The following PTCH2 variants were observed in gnomAD, a reference collection of about 807,000 sequenced individuals.
PTCH2 encodes the protein patched 2.
In PTCH2, 96 loss-of-function variants were observed where a neutral mutation model predicts 117.9. The observed-to-expected ratio is 0.81, with a 90% CI of 0.69 to 0.96. The LOEUF (loss-of-function observed/expected upper bound fraction) is 0.96. Ranked by LOEUF, PTCH2 falls within the 50% of genes least tolerant of loss-of-function variation. The probability of loss-of-function intolerance (pLI) is 0.00; values close to 1 mark genes in which losing one functional copy is unlikely to be tolerated. For missense variants in PTCH2, 1,379 were observed against 1,562.5 expected, an observed-to-expected ratio of 0.88 and a Z score of 1.98; for synonymous variants, 615 against 660.9, an observed-to-expected ratio of 0.93 and a Z score of 1.06.
At position 44,843,188 on chromosome 1, in the gene PTCH2, A is replaced by C; in HGVS notation, c.-256T>G. ...GTGGGCCGCGGCGGCTGGAGGAGGA[A>C]TGGGTCCCGCGCGCAGGCGGAATTG... On this transcript the variant is annotated 5_prime_UTR_variant, in exon 1 of 22. Transcript: ENST00000372192. 1 of 1,224,020 alleles carries C rather than the reference A, an allele frequency of 8.2e-7. No homozygotes were observed. The highest frequency in any genetic ancestry group is 4.3e-5 in the Admixed American group (1 of 23,278). The allele number at this position is 1,224,020 out of a possible 1,614,324, so 75.8% of individuals were successfully genotyped here. A position where few individuals can be genotyped will look rare whatever the true frequency, so the allele number is the denominator to read the frequency against.
intron 2 of PTCH2, among the ~76,000 whole-genome samples, chr1:44,833,690 A>G (rs75845201): frequency 0.22 from 32,736 of 151,676 alleles, 3,740 homozygotes; most frequent in African/African-American, 0.28. Context: ...TCTGTCTCCC[A>G]GGTTCAAGCG....
Position 44,843,124 on chromosome 1 carries a change from T to C in PTCH2, c.-192A>G. On this transcript the variant is annotated 5_prime_UTR_variant, in exon 1 of 22. Coordinates refer to ENST00000372192, the MANE Select transcript of PTCH2 (RefSeq NM_003738.5). ...AGGGAGGAGTGCAGGGAGCTGCGGG[T>C]CCGGGGCGCGGCGCCGGGATTCACC... is the stretch of plus-strand genomic sequence containing the variant. 7.6e-7 allele frequency: 1 copy of C among 1,314,974 alleles called. No individual in the cohort carries two copies. Among genetic ancestry groups the C allele is most frequent in the South Asian group, 2.1e-5 (1 of 47,116 alleles). The allele number at this position is 1,314,974 out of a possible 1,614,324, so 81.5% of individuals were successfully genotyped here.
At position 44,829,283 on chromosome 1, in the gene PTCH2, C is replaced by G; in HGVS notation, c.1245G>C (p.Arg415=). The G allele has an allele frequency of 6.2e-7, 1 of 1,613,600 alleles. No individual in the cohort carries two copies. The highest frequency in any genetic ancestry group is 8.5e-7 in the Non-Finnish European group (1 of 1,179,970). The change falls in exon 10 of 22, where the codon CGG becomes CGC. Residue 415 remains arginine, a synonymous_variant. Transcript: ENST00000372192. Reference sequence around the variant, plus strand: ...AACCCTGGGACTGGGCGCAGTCCCACCGCAGCATGGTCACACAGGCATAGG... The same window carrying G: ...AACCCTGGGACTGGGCGCAGTCCCAGCGCAGCATGGTCACACAGGCATAGG... ...MLAYACVTML[R]WDCAQSQGSV...
chr1:44,828,379 C>T lies in PTCH2; in HGVS notation c.1626G>A (p.Val542=), dbSNP rs770839981. 5 of 1,614,202 alleles carry T rather than the reference C, an allele frequency of 3.1e-6. No individual in the cohort carries two copies. The highest frequency in any genetic ancestry group is 1.7e-5 in the Admixed American group (1 of 60,032). ...AIVVGCTFVA[V]MLVFPAILSL... Reference sequence around the variant, plus strand: ...TGAGGATGGCTGGGAAGACAAGCATCACGGCTACAAAGGTGCAGCCAACCA... The same window carrying T: ...TGAGGATGGCTGGGAAGACAAGCATTACGGCTACAAAGGTGCAGCCAACCA... Residue 542 remains valine (V), a synonymous_variant, in exon 13 of 22, where the codon GTG becomes GTA. Transcript: ENST00000372192.
chr1:44,831,609 T>C lies in PTCH2; in HGVS notation c.617+97A>G. The C allele has an allele frequency of 1.6e-6, 2 of 1,246,036 alleles. No individual in the cohort carries two copies. Among genetic ancestry groups the C allele is most frequent in the Non-Finnish European group, 2.3e-6 (2 of 871,272 alleles). 77.2% of individuals were successfully genotyped at this position (1,246,036 alleles called of 1,614,324 possible). ...CTGGCCTGGGAGGTAATTAGGACCTTGGTAAGGTTTTGATCATCCTCATTC... is the reference window on the plus strand; with the variant it reads ...CTGGCCTGGGAGGTAATTAGGACCTCGGTAAGGTTTTGATCATCCTCATTC... On this transcript the variant is annotated intron_variant, in intron 5 of 21. Transcript: ENST00000372192. The surrounding 1 kb of genome is among the most constrained non-coding windows in gnomAD (Gnocchi z 4.3).
chr1:44,828,887 C>G (rs959247495), intron 11 of PTCH2, 95 bp downstream of exon 11: 1 of 1,374,140 alleles, frequency 7.3e-7, no homozygotes, highest in African/African-American at 1.4e-5. Context: ...CAAGAGGCAC[C>G]GAGGTTCATT....
chr1:44,842,863 G>A lies in PTCH2; in HGVS notation c.70C>T (p.Gln24Ter). The change falls in exon 1 of 22, where the codon CAG becomes TAG. Residue 24 changes from glutamine (Q) to a stop codon, truncating the protein, a stop_gained and splice_region_variant. Transcript: ENST00000372192. LOFTEE classifies it high-confidence loss of function. The part of the protein sequence containing the change: ...YTPPARTAAP[Q>*]ILAGSLKAPL... ...CTTCCAGCTCCCCCTCTACTCACCT[G>A]GGGTGCTGCGGTTCGAGCTGGGGGT... The A allele has an allele frequency of 6.5e-7, 1 of 1,550,288 alleles. No individual in the cohort carries two copies. Among genetic ancestry groups the A allele is most frequent in the South Asian group, 1.2e-5 (1 of 83,966 alleles).
chr1:44,832,366 G>C (rs370259580), intron 2 of PTCH2, 25 bp from the exon 3 acceptor site: 52 of 1,611,962 alleles, frequency 3.2e-5, no homozygotes, highest in East Asian at 1.3e-4. Context: ...AGAGAAAGCT[G>C]GGGGGGAAAG....
In PTCH2 at chr1:44,829,471, G is replaced by A; in HGVS notation, c.1146C>T (p.Thr382=). ...SQQIHAFSST[T]LDDILHAFSE... is the part of the protein sequence containing the mutation. ...AGAACGCATGCAGGATGTCATCCAGGGTGGTGGAGGAGAAGGCATGGATCT... is the reference window on the plus strand; with the variant it reads ...AGAACGCATGCAGGATGTCATCCAGAGTGGTGGAGGAGAAGGCATGGATCT... Residue 382 remains threonine (T), a synonymous_variant, in exon 9 of 22, where the codon ACC becomes ACT. Coordinates refer to ENST00000372192, the MANE Select transcript of PTCH2 (RefSeq NM_003738.5). 4 of 1,614,252 alleles carry A rather than the reference G, an allele frequency of 2.5e-6. No homozygotes were observed. Among genetic ancestry groups the A allele is most frequent in the Non-Finnish European group, 3.4e-6 (4 of 1,180,034 alleles).
chr1:44,840,006 G>A (rs1157958545), intron 2 of PTCH2, among the ~76,000 whole-genome samples: 1 of 151,890 alleles, frequency 6.6e-6, no homozygotes, highest in Non-Finnish European at 1.5e-5. Context: ...TCTACAAAAT[G>A]CAAATTTCCC....
At chr1:44,842,467 C>T (rs1053591642) in intron 1 of PTCH2, among the ~76,000 whole-genome samples, 1 of 151,942 alleles carries the variant, frequency 6.6e-6, no homozygotes, top group African/African-American at 2.4e-5. Flanking sequence ...TTAGTAGAGA[C>T]AGAGTTTCCC....
intron 7 of PTCH2, 72 bp from the exon 8 acceptor site, chr1:44,829,833 T>A: frequency 6.2e-7 from 1 of 1,613,992 alleles, no homozygotes; most frequent in Non-Finnish European, 8.5e-7. Flanking sequence ...AAGGGCCTTT[T>A]GCCAGAGCTG....
In PTCH2 at chr1:44,831,226, G is replaced by A. The variant is rs1653433023; in HGVS notation, c.618-183C>T. On this transcript the variant is annotated intron_variant, in intron 5 of 21. Coordinates refer to ENST00000372192, the MANE Select transcript of PTCH2 (RefSeq NM_003738.5). The surrounding 1 kb of genome is among the most constrained non-coding windows in gnomAD (Gnocchi z 4.3). ...TGCATGGGCCCACCAGGGTGCTACAGTGAGCTGTAGAAGAGTACAAGGGGC... is the reference window on the plus strand; with the variant it reads ...TGCATGGGCCCACCAGGGTGCTACAATGAGCTGTAGAAGAGTACAAGGGGC... Among the ~76,000 whole-genome samples, 1 of 152,208 alleles carries A rather than the reference G, an allele frequency of 6.6e-6. No homozygotes were observed. Among genetic ancestry groups the A allele is most frequent in the African/African-American group, 2.4e-5 (1 of 41,450 alleles).
At chr1:44,828,779 G>T in intron 11 of PTCH2, 148 bp from the exon 12 acceptor site, 1 of 1,285,876 alleles carries the variant, frequency 7.8e-7, no homozygotes. Context: ...ATGTACGTAT[G>T]ATGGGCTGTT....
At chr1:44,830,747 G>T in intron 6 of PTCH2, 101 bp downstream of exon 6, 1 of 1,214,544 alleles carries the variant, frequency 8.2e-7, no homozygotes, top group South Asian at 1.8e-5. Context: ...GGAAGTGGGG[G>T]GTCAGGGCAC....
Position 44,828,103 on chromosome 1 carries a change from C to T in PTCH2, c.1798G>A (p.Val600Ile). ...PVGIAHLTAT[V>I]QAFTHCEASS... The stretch of plus-strand genomic sequence containing the variant: ...GCTTCACAGTGGGTAAAGGCTTGAA[C>T]TGTGGCAGTGAGGTGGGCAATGCCC... Residue 600 changes from valine to isoleucine, a missense_variant, in exon 14 of 22, where the codon GTT becomes ATT. Physicochemically the swap from Val to Ile is conservative, Grantham distance 29 (BLOSUM62 3). Transcript: ENST00000372192. 1 of 1,614,138 alleles carries T rather than the reference C, an allele frequency of 6.2e-7. No homozygotes were observed. The highest frequency in any genetic ancestry group is 1.1e-5 in the South Asian group (1 of 91,092).
At position 44,826,896 on chromosome 1, in the gene PTCH2, A is replaced by ACTCACTGC; in HGVS notation, c.2693_2695+5dup. 6.2e-7 allele frequency: 1 copy of ACTCACTGC among 1,613,810 alleles called. No homozygotes were observed. The highest frequency in any genetic ancestry group is 8.5e-7 in the Non-Finnish European group (1 of 1,179,978). On this transcript the variant is annotated splice_donor_region_variant and intron_variant, in intron 17 of 21. Transcript: ENST00000372192. This position sits in a 1 kb window ranked among gnomAD's most constrained non-coding sequence, Gnocchi z 5.1. ...AGGCTCTTGCCGAGCTCCCCCCAAG[A>ACTCACTGC]CTCACTGCGAAGGTTCTCCCCCGTG...
At chr1:44,842,274 C>CTTTTTTTT (rs200149437) in intron 1 of PTCH2, among the ~76,000 whole-genome samples, 2 of 130,906 alleles carry the variant, frequency 1.5e-5, no homozygotes, top group Non-Finnish European at 1.6e-5. Context: ...GTTTTCTCTC[C>CTTTTTTTT]TTTTTTTTTT....
In PTCH2 at chr1:44,827,195, T is replaced by A. The variant is rs776921793; in HGVS notation, c.2486A>T (p.Asp829Val). The change falls in exon 16 of 22, where the codon GAC becomes GTC. Residue 829 changes from aspartate to valine, a missense_variant. Coordinates refer to ENST00000372192, the MANE Select transcript of PTCH2 (RefSeq NM_003738.5). ...LAYKLLIQTG[D>V]AQEPLDFSQL... is the part of the protein sequence containing the mutation. Reference sequence around the variant, plus strand: ...GCTGAAATCCAGAGGCTCCTGGGCGTCTCCAGTCTGGATGAGCAGCTTGTA... The same window carrying A: ...GCTGAAATCCAGAGGCTCCTGGGCGACTCCAGTCTGGATGAGCAGCTTGTA... 10 of 1,614,022 alleles carry A rather than the reference T, an allele frequency of 6.2e-6. No individual in the cohort carries two copies. The highest frequency in any genetic ancestry group is 8.5e-6 in the Non-Finnish European group (10 of 1,179,996).
Sources: gnomAD v4.1 joint callset for allele counts (sites outside exome capture counted in the v4.1 genomes callset) on GRCh38, gnomAD v4.1.1 for gene constraint, Gnocchi (gnomAD v3.1) non-coding constraint, MANE v1.5 for transcripts, NCBI Gene and HGNC (gene_info 2026-07-23, HGNC 2026-07-21) for gene names.